Variants in RAC2 observed in about 807,000 individuals in gnomAD.
The protein encoded by RAC2 is Rac family small GTPase 2.
RAC2 carries 1 observed loss-of-function variant against 24.0 expected under a neutral mutation model. The ratio of observed to expected loss-of-function variants is 0.04; its 90% CI spans 0.01 to 0.20. RAC2 has a LOEUF of 0.20. RAC2 is among the 10% of genes least tolerant of loss of function. The pLI, the probability that RAC2 is intolerant of heterozygous loss-of-function variation, is 1.00. For synonymous variants in RAC2, 114 were observed against 106.8 expected (o/e 1.07, Z -0.41); for missense variants, 130 against 259.1 (o/e 0.50, Z 3.42).
intron 2 of RAC2, among the ~76,000 whole-genome samples, chr22:37,237,187 G>A (rs1186428879): frequency 1.4e-5 from 2 of 143,840 alleles, no homozygotes; most frequent in Non-Finnish European, 3.1e-5. Flanking sequence ...GACTCCGTCA[G>A]GAAGGAAGGA....
In RAC2 at chr22:37,232,043, C is replaced by A. The variant is rs764957886; in HGVS notation, c.226-49G>T. 4 of 1,529,056 alleles carry A rather than the reference C, an allele frequency of 2.6e-6. No individual in the cohort carries two copies. The South Asian group carries it at 4.8e-5, about 18-fold the overall frequency. The allele number at this position is 1,529,056 out of a possible 1,614,324, so 94.7% of individuals were successfully genotyped here. ...GCTAGTGAGGAGGGCCCAGAGGTGT[C>A]CCACCATGGCAGCCACCGAGAGGTG... On this transcript the variant is annotated intron_variant, in intron 3 of 6. Coordinates refer to ENST00000249071, the MANE Select transcript of RAC2 (RefSeq NM_002872.5).
At position 37,225,272 on chromosome 22, in the gene RAC2, G is replaced by T. The variant is rs1412824177; in HGVS notation, c.*770C>A. The T allele has an allele frequency of 6.6e-6, 1 of 152,162 alleles. No individual in the cohort carries two copies. Among genetic ancestry groups the T allele is most frequent in the African/African-American group, 2.4e-5 (1 of 41,434 alleles). 9.4% of individuals were successfully genotyped at this position (152,162 alleles called of 1,614,324 possible). Reference sequence around the variant, plus strand: ...CTGAAATCACGATATCTCCAAACTTGAATCAATAAATTTATTTTCTGCTTA... The same window carrying T: ...CTGAAATCACGATATCTCCAAACTTTAATCAATAAATTTATTTTCTGCTTA... On this transcript the variant is annotated 3_prime_UTR_variant, in exon 7 of 7. Coordinates refer to ENST00000249071, the MANE Select transcript of RAC2 (RefSeq NM_002872.5).
chr22:37,240,251 G>A (rs969192152), intron 2 of RAC2, among the ~76,000 whole-genome samples: 1 of 152,172 alleles, frequency 6.6e-6, no homozygotes, highest in Non-Finnish European at 1.5e-5. Context: ...CCTCTTCCTA[G>A]GAGAGCCTGA....
At chr22:37,240,804 G>C (rs1601677131) in intron 2 of RAC2, 2 of 560,596 alleles carry the variant, frequency 3.6e-6, no homozygotes, top group South Asian at 4.4e-5. Flanking sequence ...GCTTTAGACA[G>C]GTGGATGTGG....
At chr22:37,226,103 C>G (rs539162775) in intron 6 of RAC2, 64 bp from the exon 7 acceptor site, 2 of 159,900 alleles carry the variant, frequency 1.3e-5, no homozygotes, top group East Asian at 3.7e-4. Flanking sequence ...CTCTCGCCTT[C>G]CTGGCTCACA....
Position 37,231,400 on chromosome 22 carries a change from TG to T in RAC2, c.289-11del, listed in dbSNP as rs1329848752. On this transcript the variant is annotated splice_polypyrimidine_tract_variant and intron_variant, in intron 4 of 6. Coordinates refer to ENST00000249071, the MANE Select transcript of RAC2 (RefSeq NM_002872.5). This position sits in a 1 kb window ranked among gnomAD's most constrained non-coding sequence, Gnocchi z 5.5. ...GCACTTCTGGGAACCACTGGGCAGG[TG>T]GGTGGGGGGACACAAGGTTGTATGG... 6.2e-7 allele frequency: 1 copy of T among 1,612,766 alleles called. No individual in the cohort carries two copies. Among genetic ancestry groups the T allele is most frequent in the East Asian group, 2.2e-5 (1 of 44,830 alleles).
chr22:37,230,838 C>T (rs781611201), intron 5 of RAC2, among the ~76,000 whole-genome samples: 31 of 152,156 alleles, frequency 2.0e-4, no homozygotes, highest in Non-Finnish European at 3.2e-4. Flanking sequence ...CCACAGCACC[C>T]CCACTCAATC....
intron 2 of RAC2, among the ~76,000 whole-genome samples, chr22:37,237,642 A>C (rs759438793): frequency 1.4e-4 from 21 of 152,140 alleles, no homozygotes; most frequent in Non-Finnish European, 1.8e-4. Flanking sequence ...AGTGAAAATT[A>C]AGTGCCAAAT....
intron 5 of RAC2, among the ~76,000 whole-genome samples, chr22:37,228,006 T>C (rs1926936803): frequency 6.6e-6 from 1 of 151,972 alleles, no homozygotes; most frequent in Non-Finnish European, 1.5e-5. Context: ...TTCTAGAAAA[T>C]TGTCTTGCCC....
At chr22:37,230,982 G>A (rs1029054798) in intron 5 of RAC2, among the ~76,000 whole-genome samples, 1 of 152,196 alleles carries the variant, frequency 6.6e-6, no homozygotes, top group African/African-American at 2.4e-5. Flanking sequence ...AGCTCCACCT[G>A]GAATAAGTTA....
chr22:37,233,983 G>A (rs544860541), intron 2 of RAC2, among the ~76,000 whole-genome samples: 2 of 152,352 alleles, frequency 1.3e-5, no homozygotes, highest in South Asian at 2.1e-4. Flanking sequence ...CACGGCAAAC[G>A]GTAGAAAGAC....
At position 37,231,221 on chromosome 22, in the gene RAC2, AG is replaced by A. The variant is rs771321602; in HGVS notation, c.448+9del. The stretch of plus-strand genomic sequence containing the variant: ...CAGCCAGATCGCCCCTCTGAGCCCG[AG>A]GCCCATACCAATCTCCTTGGCCAGT... On this transcript the variant is annotated intron_variant, in intron 5 of 6. Transcript: ENST00000249071. This position sits in a 1 kb window ranked among gnomAD's most constrained non-coding sequence, Gnocchi z 5.5. 1 of 1,612,964 alleles carries A rather than the reference AG, an allele frequency of 6.2e-7. No individual in the cohort carries two copies. Among genetic ancestry groups the A allele is most frequent in the South Asian group, 1.1e-5 (1 of 91,024 alleles).
At chr22:37,228,569 T>A (rs981643478) in intron 5 of RAC2, among the ~76,000 whole-genome samples, 3 of 152,228 alleles carry the variant, frequency 2.0e-5, no homozygotes, top group African/African-American at 7.2e-5. Flanking sequence ...TGCTTCTCTG[T>A]GGCAGGATGG....
chr22:37,231,389 C>G lies in RAC2; in HGVS notation c.290G>C (p.Trp97Ser). Residue 97 changes from tryptophan to serine, a missense_variant and splice_region_variant, in exon 5 of 7, where the codon TGG becomes TCG. Physicochemically the swap from Trp to Ser is radical, Grantham distance 177. Coordinates refer to ENST00000249071, the MANE Select transcript of RAC2 (RefSeq NM_002872.5). The surrounding 1 kb of genome is among the most constrained non-coding windows in gnomAD (Gnocchi z 5.5). ...GCAGTGGTGCCGCACTTCTGGGAAC[C>G]ACTGGGCAGGTGGGTGGGGGGACAC... ...PASYENVRAK[W>S]FPEVRHHCPS... 6.2e-7 allele frequency: 1 copy of G among 1,613,992 alleles called. No homozygotes were observed. Among genetic ancestry groups the G allele is most frequent in the Non-Finnish European group, 8.5e-7 (1 of 1,180,018 alleles).
At position 37,232,105 on chromosome 22, in the gene RAC2, A is replaced by G. The variant is rs2285110; in HGVS notation, c.226-111T>C. 348,212 of 1,075,532 alleles carry G rather than the reference A, an allele frequency of 0.32. 59,182 individuals are homozygous for G. Among genetic ancestry groups the G allele is most frequent in the African/African-American group, 0.53 (33,712 of 63,632 alleles). The allele number at this position is 1,075,532 out of a possible 1,614,324, so 66.6% of individuals were successfully genotyped here. Reference sequence around the variant, plus strand: ...TCCCTGAGGGTGGAACACCCCAGGGAATGCTGGGGACTTAGGATCTGGGCA... The same window carrying G: ...TCCCTGAGGGTGGAACACCCCAGGGGATGCTGGGGACTTAGGATCTGGGCA... On this transcript the variant is annotated intron_variant, in intron 3 of 6. Transcript: ENST00000249071.
chr22:37,232,152 C>G (rs1249107618), intron 3 of RAC2, among the ~76,000 whole-genome samples, 158 bp from the exon 4 acceptor site: 1 of 152,180 alleles, frequency 6.6e-6, no homozygotes, highest in Non-Finnish European at 1.5e-5. Context: ...CCCTTCTCGC[C>G]TCTACCACGA....
In RAC2 at chr22:37,231,343, C is replaced by G; in HGVS notation, c.336G>C (p.Leu112=). ...RHHCPSTPII[L]VGTKLDLRDD... Reference sequence around the variant, plus strand: ...CCCGCAGGTCCAGCTTGGTGCCCACCAGGATGATGGGTGTGCTGGGGCAGT... The same window carrying G: ...CCCGCAGGTCCAGCTTGGTGCCCACGAGGATGATGGGTGTGCTGGGGCAGT... Residue 112 remains leucine, a synonymous_variant, in exon 5 of 7, where the codon CTG becomes CTC. Transcript: ENST00000249071. The surrounding 1 kb of genome is among the most constrained non-coding windows in gnomAD (Gnocchi z 5.5). The G allele has an allele frequency of 6.2e-7, 1 of 1,614,132 alleles. No individual in the cohort carries two copies.
At chr22:37,239,426 G>A (rs776050781) in intron 2 of RAC2, among the ~76,000 whole-genome samples, 37 of 152,268 alleles carry the variant, frequency 2.4e-4, no homozygotes, top group African/African-American at 4.8e-4. Flanking sequence ...CCAATCCTTC[G>A]GAGAGACTTG....
In RAC2 at chr22:37,226,658, G is replaced by A; in HGVS notation, c.*2+13C>T. ...GTGTATGGGAGTTGGGCACTAGAGT[G>A]GGGGACTCTTACCCCTAGAGGAGGC... is the stretch of plus-strand genomic sequence containing the variant. On this transcript the variant is annotated intron_variant, in intron 6 of 6. Coordinates refer to ENST00000249071, the MANE Select transcript of RAC2 (RefSeq NM_002872.5). 1 of 1,612,110 alleles carries A rather than the reference G, an allele frequency of 6.2e-7. No homozygotes were observed. Among genetic ancestry groups the A allele is most frequent in the Admixed American group, 1.7e-5 (1 of 59,922 alleles).
Sources: gnomAD v4.1 joint callset for allele counts (sites outside exome capture counted in the v4.1 genomes callset) on GRCh38, gnomAD v4.1.1 for gene constraint, Gnocchi (gnomAD v3.1) non-coding constraint, MANE v1.5 for transcripts, NCBI Gene and HGNC (gene_info 2026-07-23, HGNC 2026-07-21) for gene names.